The following NAA60 variants were observed in gnomAD, a reference collection of about 807,000 sequenced individuals.
NAA60 encodes the protein N-alpha-acetyltransferase 60.
Under a neutral mutation model 26.1 loss-of-function variants are expected in NAA60, and 8 were observed. The observed-to-expected ratio is 0.31, with a 90% CI of 0.18 to 0.55. NAA60 has a LOEUF of 0.55. Among genes scored for constraint, NAA60 ranks in the 20% least tolerant of loss-of-function variants. The pLI is 0.93. For missense variants in NAA60, 290 were observed against 311.3 expected, an observed-to-expected ratio of 0.93 and a Z score of 0.51; for synonymous variants, 131 against 122.5, an observed-to-expected ratio of 1.07 and a Z score of -0.46.
chr16:3,476,219 CAG>C lies in NAA60; in HGVS notation c.-6-2_-6-1del. On this transcript the variant is annotated splice_acceptor_variant, in intron 2 of 7. Transcript: ENST00000407558. LOFTEE classifies it low-confidence loss of function (5UTR_SPLICE). Reference sequence around the variant, plus strand: ...GACGCGTCCCCCCCACCCTTCCCCACAGGTGTGAATGACAGAGGTGGTGCCAT... The same window carrying C: ...GACGCGTCCCCCCCACCCTTCCCCACGTGTGAATGACAGAGGTGGTGCCAT... 1 of 1,604,302 alleles carries C rather than the reference CAG, an allele frequency of 6.2e-7. No individual in the cohort carries two copies.
chr16:3,458,104 C>T (rs970174100), intron 2 of NAA60: 3 of 985,182 alleles, frequency 3.0e-6, no homozygotes, highest in Admixed American at 6.2e-5. Context: ...TCCGCGCGGT[C>T]CCACTTCCCG....
chr16:3,455,777 G>A (rs1018452743), intron 2 of NAA60, among the ~76,000 whole-genome samples: 3 of 151,440 alleles, frequency 2.0e-5, no homozygotes, highest in Non-Finnish European at 4.4e-5. Context: ...GCGCGATCTC[G>A]GCTCACTGCA....
chr16:3,455,943 G>A (rs1473338778), intron 2 of NAA60, among the ~76,000 whole-genome samples: 3 of 151,842 alleles, frequency 2.0e-5, no homozygotes, highest in African/African-American at 7.3e-5. Flanking sequence ...TTGACCTCAT[G>A]GTTCACCCGA....
At chr16:3,481,393 C>T (rs1251768615) in intron 4 of NAA60, among the ~76,000 whole-genome samples, 2 of 152,184 alleles carry the variant, frequency 1.3e-5, no homozygotes, top group Non-Finnish European at 2.9e-5. Flanking sequence ...CCTGATCTCT[C>T]TTGTTAATGG....
Position 3,457,231 on chromosome 16 carries a change from A to C in NAA60, c.-7+8691A>C, listed in dbSNP as rs543787106. Among the ~76,000 whole-genome samples, 9 of 152,266 alleles carry C rather than the reference A, an allele frequency of 5.9e-5. No homozygotes were observed. In the East Asian group the frequency reaches 1.7e-3, roughly 30 times the overall value. On this transcript the variant is annotated intron_variant, in intron 2 of 7. Coordinates refer to ENST00000407558, the MANE Select transcript of NAA60 (RefSeq NM_001083601.3). ...GAGGCCCAGGCGGGCAGATCACTTGAGGCCAGGGGTTCAAGACCAGCCTGG... is the reference window on the plus strand; with the variant it reads ...GAGGCCCAGGCGGGCAGATCACTTGCGGCCAGGGGTTCAAGACCAGCCTGG...
chr16:3,480,040 T>G (rs1192327180), intron 4 of NAA60, among the ~76,000 whole-genome samples: 1 of 152,120 alleles, frequency 6.6e-6, no homozygotes, highest in Non-Finnish European at 1.5e-5. Flanking sequence ...CACAGAGCCC[T>G]TTAAGATCTA....
At chr16:3,447,930 T>A (rs2034619588) in intron 1 of NAA60, among the ~76,000 whole-genome samples, 1 of 152,192 alleles carries the variant, frequency 6.6e-6, no homozygotes, top group Non-Finnish European at 1.5e-5. Flanking sequence ...AAAAACTGGC[T>A]TGGTCTGTGT....
chr16:3,463,667 C>A (rs2035558377), intron 2 of NAA60, among the ~76,000 whole-genome samples: 1 of 150,928 alleles, frequency 6.6e-6, no homozygotes, highest in South Asian at 2.1e-4. Flanking sequence ...GAGTTGGAGA[C>A]CAGCCTGGAC....
At chr16:3,471,442 GCAGTGAACCGAGATCGCGC>G (rs2036136584) in intron 2 of NAA60, among the ~76,000 whole-genome samples, 1 of 152,170 alleles carries the variant, frequency 6.6e-6, no homozygotes, top group African/African-American at 2.4e-5. Flanking sequence ...GGCGGAGCTT[GCAGTGAACCGAGATCGCGC>G]CAGTGCACTC....
At chr16:3,472,702 G>C (rs974856456) in intron 2 of NAA60, among the ~76,000 whole-genome samples, 1 of 152,144 alleles carries the variant, frequency 6.6e-6, no homozygotes, top group African/African-American at 2.4e-5. Flanking sequence ...CAAAGTGCTG[G>C]GATTACAGGC....
intron 2 of NAA60, among the ~76,000 whole-genome samples, chr16:3,461,948 A>G (rs965986043): frequency 4.6e-5 from 7 of 152,060 alleles, no homozygotes; most frequent in Admixed American, 3.3e-4. Flanking sequence ...TTAGCCAGGC[A>G]TGGTGGTGCG....
chr16:3,458,248 C>G, intron 2 of NAA60: 740 of 289,950 alleles, frequency 2.6e-3, no homozygotes, highest in Middle Eastern at 3.6e-3. Flanking sequence ...GCGGGGTAGG[C>G]GGGGAGGCCG....
chr16:3,473,484 C>G (rs1216373952), intron 2 of NAA60, among the ~76,000 whole-genome samples: 1 of 152,174 alleles, frequency 6.6e-6, no homozygotes, highest in Non-Finnish European at 1.5e-5. Flanking sequence ...AAACTGCTCC[C>G]ATGACTCAGT....
Position 3,465,266 on chromosome 16 carries a change from C to CA in NAA60, c.-6-10939dup, listed in dbSNP as rs529847098. 1.0e-2 allele frequency among the ~76,000 whole-genome samples: 870 copies of CA among 87,418 alleles called. 5 individuals carry two copies. Among genetic ancestry groups the CA allele is most frequent in the African/African-American group, 0.024 (549 of 22,788 alleles). 57.3% of individuals were successfully genotyped at this position (87,418 alleles called of 152,430 possible). On this transcript the variant is annotated intron_variant, in intron 2 of 7. Transcript: ENST00000407558. ...TGGGCGACAGAGCGAGACTCTGTCTCAAAAAAAAAAAAAAAAAGAAAAGAA... is the reference window on the plus strand; with the variant it reads ...TGGGCGACAGAGCGAGACTCTGTCTCAAAAAAAAAAAAAAAAAAGAAAAGAA...
In NAA60 at chr16:3,479,466, C is replaced by T. The variant is rs1596352198; in HGVS notation, c.111-5C>T. The stretch of plus-strand genomic sequence containing the variant: ...AGGTTCACCTGAGTATGTTCTGTTT[C>T]TCAGGTACCCAGACTCATGGTATCG... On this transcript the variant is annotated splice_polypyrimidine_tract_variant and splice_region_variant and intron_variant, in intron 3 of 7. Transcript: ENST00000407558. 1 of 1,613,564 alleles carries T rather than the reference C, an allele frequency of 6.2e-7. No individual in the cohort carries two copies. Among genetic ancestry groups the T allele is most frequent in the Non-Finnish European group, 8.5e-7 (1 of 1,179,670 alleles).
chr16:3,463,797 A>G (rs933820700), intron 2 of NAA60, among the ~76,000 whole-genome samples: 1 of 152,118 alleles, frequency 6.6e-6, no homozygotes, highest in Non-Finnish European at 1.5e-5. Context: ...CTTGAACCCT[A>G]AAGTTCGAGA....
At chr16:3,447,419 C>A in intron 1 of NAA60, 1 of 969,268 alleles carries the variant, frequency 1.0e-6, no homozygotes, top group Middle Eastern at 5.3e-4. Flanking sequence ...TCTTCCCTGG[C>A]GATGTTTAAC....
rs142642380 is a variant in NAA60, at chr16:3,476,635, C to T, written c.110+298C>T. 3.8e-4 allele frequency among the ~76,000 whole-genome samples: 58 copies of T among 152,220 alleles called. No homozygotes were observed. In the East Asian group the frequency reaches 9.8e-3, roughly 26 times the overall value. The stretch of plus-strand genomic sequence containing the variant: ...GAAAATTTAGAAGCCACTCAAGTAT[C>T]TTCACAGCAAGGAGTTGGTTACATG... On this transcript the variant is annotated intron_variant, in intron 3 of 7. Transcript: ENST00000407558.
chr16:3,449,969 A>G (rs2034710031), intron 2 of NAA60: 4 of 398,254 alleles, frequency 1.0e-5, no homozygotes, highest in Non-Finnish European at 1.8e-5. Flanking sequence ...TTTTTTTTGT[A>G]AATTGCGCAG....
Sources: gnomAD v4.1 joint callset for allele counts (sites outside exome capture counted in the v4.1 genomes callset) on GRCh38, gnomAD v4.1.1 for gene constraint, MANE v1.5 for transcripts, NCBI Gene and HGNC (gene_info 2026-07-23, HGNC 2026-07-21) for gene names.